LRRC8A: variants seen among roughly 807,000 people sequenced by gnomAD.
LRRC8A encodes volume-regulated anion channel subunit LRRC8A.
LRRC8A carries 24 observed loss-of-function variants against 52.5 expected under a neutral mutation model. That is an observed-to-expected ratio of 0.46 (90% CI 0.33 to 0.64). The LOEUF (loss-of-function observed/expected upper bound fraction) is 0.64, where lower values mean the gene tolerates loss of function less well. LRRC8A is among the 30% of genes least tolerant of loss of function. The pLI is 0.02. For synonymous variants in LRRC8A, 492 were observed against 494.2 expected, an observed-to-expected ratio of 1.00 and a Z score of 0.06; for missense variants, 677 against 1,094.7, an observed-to-expected ratio of 0.62 and a Z score of 5.38.
rs1014477466 is a variant in LRRC8A at position 128,917,285 on chromosome 9, C to T, written c.*914C>T. ...CCTTGGTCCAGGAGTTCTATTTGTTCCTGGGGAGGGAGGTTTTTTTGTTTG... is the reference window on the plus strand; with the variant it reads ...CCTTGGTCCAGGAGTTCTATTTGTTTCTGGGGAGGGAGGTTTTTTTGTTTG... On this transcript the variant is annotated 3_prime_UTR_variant, in exon 4 of 4. Coordinates refer to ENST00000372600, the MANE Select transcript of LRRC8A (RefSeq NM_019594.4). 4 of 152,272 alleles carry T rather than the reference C, an allele frequency of 2.6e-5. No homozygotes were observed. The highest frequency in any genetic ancestry group is 9.7e-5 in the African/African-American group (4 of 41,274). 9.4% of individuals were successfully genotyped at this position (152,272 alleles called of 1,614,324 possible).
rs1839053597 is a variant in LRRC8A at position 128,882,194 on chromosome 9, G to T, written c.-172G>T. ...GGAGCAGCGCTGCGGCCGGCGGCGG[G>T]ACGGAGCGGCCGGGGCCTGGGGCTG... is the stretch of plus-strand genomic sequence containing the variant. On this transcript the variant is annotated 5_prime_UTR_variant, in exon 1 of 4. Transcript: ENST00000372600. 1 of 153,208 alleles carries T rather than the reference G, an allele frequency of 6.5e-6. No homozygotes were observed. Among genetic ancestry groups the T allele is most frequent in the South Asian group, 1.9e-4 (1 of 5,312 alleles). The allele number at this position is 153,208 out of a possible 1,614,324, so 9.5% of individuals were successfully genotyped here.
chr9:128,883,005 T>G lies in LRRC8A; in HGVS notation c.-116+755T>G, dbSNP rs891128499. The G allele has an allele frequency of 1.6e-5, 6 of 381,084 alleles. No individual in the cohort carries two copies. In the South Asian group the frequency reaches 8.7e-4, roughly 55 times the overall value. The allele number at this position is 381,084 out of a possible 1,614,324, so 23.6% of individuals were successfully genotyped here. ...GATTCTGCTGCTTTCGCTGACTGCT[T>G]CTTCCCCTTGATCTGGACCGGGGTG... On this transcript the variant is annotated intron_variant, in intron 1 of 3. Transcript: ENST00000372600.
At position 128,908,305 on chromosome 9, in the gene LRRC8A, C is replaced by A. The variant is rs771039933; in HGVS notation, c.1141C>A (p.Gln381Lys). The change falls in exon 3 of 4, where the codon CAA becomes AAA. Residue 381 changes from glutamine (Q) to lysine (K), a missense_variant. Physicochemically the swap from Gln to Lys is moderately conservative, Grantham distance 53. This residue lies in a region of LRRC8A where 422 missense variants were observed against 741.5 expected (regional missense o/e 0.57). Transcript: ENST00000372600. ...DFAFMLHLID[Q>K]YDPLYSKRFA... ...CGCCTTCATGCTGCACCTCATTGAC[C>A]AATACGACCCGCTCTACTCCAAGCG... The A allele has an allele frequency of 3.1e-6, 5 of 1,614,134 alleles. No individual in the cohort carries two copies. In the Admixed American group the frequency reaches 8.3e-5, roughly 27 times the overall value.
At chr9:128,895,629 C>T (rs144388943) in intron 2 of LRRC8A, among the ~76,000 whole-genome samples, 2 of 152,192 alleles carry the variant, frequency 1.3e-5, no homozygotes, top group Non-Finnish European at 2.9e-5. Flanking sequence ...GTGGGAAGGG[C>T]CTGTTCTGCA....
intron 2 of LRRC8A, among the ~76,000 whole-genome samples, chr9:128,894,768 T>C (rs947652908): frequency 2.1e-5 from 3 of 145,414 alleles, no homozygotes; most frequent in African/African-American, 7.7e-5. Context: ...ACTCCAGCCT[T>C]GGCAACAGAG....
chr9:128,883,610 G>C (rs1839236869), intron 1 of LRRC8A, among the ~76,000 whole-genome samples: 1 of 152,202 alleles, frequency 6.6e-6, no homozygotes, highest in South Asian at 2.1e-4. Flanking sequence ...CTGCTTCCTT[G>C]TTTTCCTGGT....
intron 2 of LRRC8A, among the ~76,000 whole-genome samples, chr9:128,893,814 A>G (rs1839717225): frequency 6.6e-6 from 1 of 152,116 alleles, no homozygotes; most frequent in African/African-American, 2.4e-5. Flanking sequence ...AGTAGACTTA[A>G]CTATATATAG....
In LRRC8A at chr9:128,902,925, C is replaced by G. The variant is rs1405756590; in HGVS notation, c.-8-4232C>G. 6.6e-6 allele frequency among the ~76,000 whole-genome samples: 1 copy of G among 152,124 alleles called. No individual in the cohort carries two copies. The highest frequency in any genetic ancestry group is 2.4e-5 in the African/African-American group (1 of 41,418). Reference sequence around the variant, plus strand: ...TCTGCTGGCCCCTTTGTGACCTGAGCGCTGGTAATGCTGAGGGGCGGGGAA... The same window carrying G: ...TCTGCTGGCCCCTTTGTGACCTGAGGGCTGGTAATGCTGAGGGGCGGGGAA... On this transcript the variant is annotated intron_variant, in intron 2 of 3. Transcript: ENST00000372600. This position sits in a 1 kb window ranked among gnomAD's most constrained non-coding sequence, Gnocchi z 4.1.
chr9:128,904,100 C>A (rs573579310), intron 2 of LRRC8A, among the ~76,000 whole-genome samples: 1 of 152,160 alleles, frequency 6.6e-6, no homozygotes, highest in Non-Finnish European at 1.5e-5. Flanking sequence ...GGTGGCCCAT[C>A]ATCTGGGCAC....
chr9:128,909,447 G>C, intron 3 of LRRC8A, 126 bp downstream of exon 3: 1 of 902,958 alleles, frequency 1.1e-6, no homozygotes, highest in Non-Finnish European at 1.7e-6. Flanking sequence ...GTCCTCACCT[G>C]GGGTTTACAG....
chr9:128,888,329 G>A (rs1051706514), intron 2 of LRRC8A, among the ~76,000 whole-genome samples: 11 of 152,086 alleles, frequency 7.2e-5, no homozygotes, highest in East Asian at 1.9e-4. Context: ...CGCATGGGCC[G>A]GCCTGAGGGG....
At chr9:128,896,032 A>G (rs1033395268) in intron 2 of LRRC8A, among the ~76,000 whole-genome samples, 1 of 152,246 alleles carries the variant, frequency 6.6e-6, no homozygotes, top group East Asian at 1.9e-4. Flanking sequence ...CACTTAAGTA[A>G]AATATTCCAA....
At chr9:128,912,504 TG>T (rs577475761) in intron 3 of LRRC8A, among the ~76,000 whole-genome samples, 6 of 105,684 alleles carry the variant, frequency 5.7e-5, no homozygotes, top group African/African-American at 2.3e-4. Context: ...GGTGGGGCTA[TG>T]GGGGGGGGTG....
chr9:128,883,360 G>A (rs1195280488), intron 1 of LRRC8A, among the ~76,000 whole-genome samples: 1 of 152,242 alleles, frequency 6.6e-6, no homozygotes, highest in Non-Finnish European at 1.5e-5. Context: ...CAACCTGGCA[G>A]ACAGACAGGC....
At chr9:128,893,098 G>A (rs1839689261) in intron 2 of LRRC8A, among the ~76,000 whole-genome samples, 1 of 152,132 alleles carries the variant, frequency 6.6e-6, no homozygotes, top group African/African-American at 2.4e-5. Context: ...CAGGGGATGT[G>A]GACTGGGGCT....
In LRRC8A at chr9:128,897,280, T is replaced by C. The variant is rs1839854284; in HGVS notation, c.-8-9877T>C. Among the ~76,000 whole-genome samples the C allele has an allele frequency of 3.3e-5, 5 of 152,164 alleles. No individual in the cohort carries two copies. In the South Asian group the frequency reaches 1.0e-3, roughly 32 times the overall value. On this transcript the variant is annotated intron_variant, in intron 2 of 3. Coordinates refer to ENST00000372600, the MANE Select transcript of LRRC8A (RefSeq NM_019594.4). ...ACTCTTGTTGCTCAGACTGGAGATC[T>C]TGGCTCACTGTAGCCTCCACCTCCC... is the stretch of plus-strand genomic sequence containing the variant.
intron 2 of LRRC8A, among the ~76,000 whole-genome samples, chr9:128,896,354 A>G (rs1170697958): frequency 1.3e-5 from 2 of 152,184 alleles, no homozygotes; most frequent in Admixed American, 1.3e-4. Context: ...ATTTTTTGCT[A>G]TTACAAACAA....
intron 2 of LRRC8A, among the ~76,000 whole-genome samples, chr9:128,904,947 A>C (rs529135934): frequency 6.6e-6 from 1 of 150,682 alleles, no homozygotes; most frequent in Admixed American, 6.6e-5. Context: ...GCAGTGAGCC[A>C]AGATCGCACC....
At chr9:128,883,263 G>T (rs528077040) in intron 1 of LRRC8A, among the ~76,000 whole-genome samples, 56 of 152,216 alleles carry the variant, frequency 3.7e-4, no homozygotes, top group Non-Finnish European at 7.2e-4. Flanking sequence ...AACTGGGGGA[G>T]CCCGAAGTTC....
Sources: gnomAD v4.1 joint callset for allele counts (sites outside exome capture counted in the v4.1 genomes callset) on GRCh38, gnomAD v4.1.1 for gene constraint, gnomAD v4.1.1 regional missense constraint, Gnocchi (gnomAD v3.1) non-coding constraint, MANE v1.5 for transcripts, NCBI Gene and HGNC (gene_info 2026-07-23, HGNC 2026-07-21) for gene names.